Variants in ADAMTSL3 observed in about 807,000 individuals in gnomAD.
ADAMTSL3 encodes the protein ADAMTS-like protein 3.
A neutral mutation model predicts 201.7 loss-of-function variants in ADAMTSL3; 128 were observed. The observed-to-expected ratio is 0.63, with a 90% CI of 0.55 to 0.73. ADAMTSL3 has a LOEUF of 0.73. Ranked by LOEUF, ADAMTSL3 falls within the 30% of genes least tolerant of loss-of-function variation. ADAMTSL3 has a pLI of 0.00. For missense variants in ADAMTSL3, 1,990 were observed against 2,119.6 expected, an observed-to-expected ratio of 0.94 and a Z score of 1.20; for synonymous variants, 738 against 748.4, an observed-to-expected ratio of 0.99 and a Z score of 0.23.
chr15:83,948,119 C>A (rs541165239), intron 19 of ADAMTSL3, among the ~76,000 whole-genome samples: 4 of 152,136 alleles, frequency 2.6e-5, no homozygotes, highest in Admixed American at 6.5e-5. Context: ...AAAGAACAAC[C>A]CAAGATATGT....
intron 3 of ADAMTSL3, among the ~76,000 whole-genome samples, chr15:83,742,294 A>G (rs1027659160): frequency 5.3e-5 from 8 of 152,156 alleles, no homozygotes; most frequent in Non-Finnish European, 1.0e-4. Context: ...AACCATGAAA[A>G]TGAAAAATTT....
intron 5 of ADAMTSL3, among the ~76,000 whole-genome samples, chr15:83,815,457 A>G (rs553343436): frequency 7.2e-5 from 11 of 152,370 alleles, no homozygotes; most frequent in African/African-American, 2.6e-4. Flanking sequence ...AAGCCCATCA[A>G]GTATATTTCA....
intron 3 of ADAMTSL3, among the ~76,000 whole-genome samples, chr15:83,770,719 A>G (rs1453430417): frequency 6.6e-6 from 1 of 152,158 alleles, no homozygotes; most frequent in African/African-American, 2.4e-5. Context: ...ATACATTTCT[A>G]ATAGATCTGG....
intron 3 of ADAMTSL3, among the ~76,000 whole-genome samples, chr15:83,744,057 A>G (rs1481283837): frequency 1.3e-5 from 2 of 152,040 alleles, no homozygotes; most frequent in African/African-American, 4.8e-5. Flanking sequence ...TCACCGTGCT[A>G]GCCAGGCTGG....
In ADAMTSL3 at chr15:83,890,216, A is replaced by G. The variant is rs1567217172; in HGVS notation, c.1180A>G (p.Lys394Glu). 2 of 1,614,042 alleles carry G rather than the reference A, an allele frequency of 1.2e-6. No individual in the cohort carries two copies. The highest frequency in any genetic ancestry group is 1.7e-6 in the Non-Finnish European group (2 of 1,179,902). The change falls in exon 11 of 30, where the codon AAG becomes GAG. Residue 394 changes from lysine to glutamate, a missense_variant. Physicochemically the swap from Lys to Glu is moderately conservative, Grantham distance 56. Coordinates refer to ENST00000286744, the MANE Select transcript of ADAMTSL3 (RefSeq NM_207517.3). The stretch of plus-strand genomic sequence containing the variant: ...AAATGTAAAACCAAAACCAAAACTG[A>G]AGGAATGCAGCATGGATCCCTGCCC... Reference protein sequence around the residue: ...PENVKPKPKLKECSMDPCPSS... With the variant: ...PENVKPKPKLEECSMDPCPSS...
intron 9 of ADAMTSL3, among the ~76,000 whole-genome samples, chr15:83,875,021 A>G (rs1208479607): frequency 8.9e-6 from 1 of 112,044 alleles, no homozygotes. Context: ...CCCACTCTAT[A>G]CCATCCACCA....
At chr15:83,758,771 C>T (rs567111345) in intron 3 of ADAMTSL3, among the ~76,000 whole-genome samples, 60 of 152,046 alleles carry the variant, frequency 3.9e-4, no homozygotes, top group Non-Finnish European at 6.9e-4. Context: ...TTTTTTGTTG[C>T]TGAATTGTAA....
Position 83,899,652 on chromosome 15 carries a change from AGTCC to A in ADAMTSL3, c.1622_1625del (p.Ser541LysfsTer9). 2.5e-6 allele frequency: 4 copies of A among 1,611,154 alleles called. No homozygotes were observed. Among genetic ancestry groups the A allele is most frequent in the Non-Finnish European group, 3.4e-6 (4 of 1,178,154 alleles). ...TTATGTTCTCTTTTTCTTAGAAAAAAGTCCAGTGGAAGCAAAATTGCCTTGGCTG... is the reference window on the plus strand; with the variant it reads ...TTATGTTCTCTTTTTCTTAGAAAAAAAGTGGAAGCAAAATTGCCTTGGCTG... On this transcript the variant is annotated frameshift_variant, in exon 15 of 30. Transcript: ENST00000286744. LOFTEE classifies it high-confidence loss of function.
chr15:83,795,539 G>A (rs1370157521), intron 4 of ADAMTSL3, among the ~76,000 whole-genome samples: 2 of 152,108 alleles, frequency 1.3e-5, no homozygotes, highest in Non-Finnish European at 2.9e-5. Flanking sequence ...AGACCCTTGA[G>A]GTCCAGACAC....
At chr15:83,871,707 G>T (rs1192484382) in intron 9 of ADAMTSL3, among the ~76,000 whole-genome samples, 1 of 152,136 alleles carries the variant, frequency 6.6e-6, no homozygotes, top group African/African-American at 2.4e-5. Context: ...CTCATTCAGA[G>T]GACATGAAGT....
intron 3 of ADAMTSL3, among the ~76,000 whole-genome samples, chr15:83,708,856 C>T (rs2061891817): frequency 6.6e-6 from 1 of 152,094 alleles, no homozygotes; most frequent in Admixed American, 6.5e-5. Context: ...GAGACTTTGG[C>T]CCAAGTGCCT....
At chr15:83,987,479 G>T (rs1208538977) in intron 21 of ADAMTSL3, among the ~76,000 whole-genome samples, 6 of 152,334 alleles carry the variant, frequency 3.9e-5, no homozygotes, top group South Asian at 2.1e-4. Context: ...TCACAGTCTA[G>T]TGGGAAGAAA....
intron 13 of ADAMTSL3, among the ~76,000 whole-genome samples, chr15:83,895,690 G>A (rs1480062335): frequency 6.6e-6 from 1 of 152,170 alleles, no homozygotes; most frequent in African/African-American, 2.4e-5. Flanking sequence ...GGATTAACCA[G>A]TTGTAGTATA....
At chr15:84,008,093 T>C (rs1423331800) in intron 23 of ADAMTSL3, among the ~76,000 whole-genome samples, 1 of 152,172 alleles carries the variant, frequency 6.6e-6, no homozygotes, top group Non-Finnish European at 1.5e-5. Flanking sequence ...TGTGAATTGC[T>C]AACTTCAGTT....
At chr15:83,689,722 T>C (rs1289477513) in intron 2 of ADAMTSL3, among the ~76,000 whole-genome samples, 2 of 152,248 alleles carry the variant, frequency 1.3e-5, no homozygotes, top group African/African-American at 2.4e-5. Context: ...ATGTGATTTT[T>C]TTCTTTTATT....
chr15:83,834,443 A>C (rs993691127), intron 6 of ADAMTSL3, among the ~76,000 whole-genome samples: 3 of 152,202 alleles, frequency 2.0e-5, no homozygotes, highest in African/African-American at 7.2e-5. Flanking sequence ...TTTTCCCCCA[A>C]GTTAGATTCT....
intron 22 of ADAMTSL3, among the ~76,000 whole-genome samples, chr15:83,989,227 A>G (rs533286077): frequency 5.5e-4 from 83 of 152,230 alleles, no homozygotes; most frequent in Non-Finnish European, 7.6e-4. Flanking sequence ...AGTTCTCATT[A>G]GCAGCTGTCA....
intron 7 of ADAMTSL3, among the ~76,000 whole-genome samples, chr15:83,843,074 T>C (rs2064415611): frequency 6.6e-6 from 1 of 152,148 alleles, no homozygotes; most frequent in Non-Finnish European, 1.5e-5. Context: ...GATTTTCAGC[T>C]TTTGGATTAC....
At chr15:83,898,088 T>A (rs1392645090) in intron 14 of ADAMTSL3, 83 bp downstream of exon 14, 1 of 1,446,916 alleles carries the variant, frequency 6.9e-7, no homozygotes, top group Non-Finnish European at 9.4e-7. Flanking sequence ...CCCTTTCAAC[T>A]TACTACTTTC....
Sources: gnomAD v4.1 joint callset for allele counts (sites outside exome capture counted in the v4.1 genomes callset) on GRCh38, gnomAD v4.1.1 for gene constraint, MANE v1.5 for transcripts, NCBI Gene and HGNC (gene_info 2026-07-23, HGNC 2026-07-21) for gene names.